RECQL5: variants seen among roughly 807,000 people sequenced by gnomAD.
The protein encoded by RECQL5 is ATP-dependent DNA helicase Q5.
RECQL5 carries 88 observed loss-of-function variants against 103.4 expected under a neutral mutation model. That is an observed-to-expected ratio of 0.85 (90% confidence interval 0.72 to 1.02). The LOEUF is 1.02. Ranked by LOEUF, RECQL5 falls within the 50% of genes least tolerant of loss-of-function variation. RECQL5 has a pLI of 0.00. For synonymous variants in RECQL5, 552 were observed against 507.9 expected (o/e 1.09, Z -1.17); for missense variants, 1,232 against 1,284.3 (o/e 0.96, Z 0.62).
rs188123094 is a variant in RECQL5, at chr17:75,627,790, C to G, written c.2806-98G>C. On this transcript the variant is annotated intron_variant, in intron 18 of 19. Transcript: ENST00000317905. Reference sequence around the variant, plus strand: ...ATCCCAGCACTTTGGGAGGCCGAGGCGGGCGGATCATGAGGTCAGGAGATC... The same window carrying G: ...ATCCCAGCACTTTGGGAGGCCGAGGGGGGCGGATCATGAGGTCAGGAGATC... 488 of 1,074,180 alleles carry G rather than the reference C, an allele frequency of 4.5e-4. 1 individual carries two copies. The African/African-American group carries it at 6.9e-3, about 15-fold the overall frequency. The allele number at this position is 1,074,180 out of a possible 1,614,324, so 66.5% of individuals were successfully genotyped here. A position where few individuals can be genotyped will look rare whatever the true frequency, so the allele number is the denominator to read the frequency against.
At chr17:75,655,454 T>C (rs1195513733) in intron 7 of RECQL5, among the ~76,000 whole-genome samples, 2 of 144,238 alleles carry the variant, frequency 1.4e-5, no homozygotes, top group African/African-American at 2.6e-5. Context: ...AGCTCCGCCT[T>C]CCGGGTTCAT....
intron 8 of RECQL5, among the ~76,000 whole-genome samples, chr17:75,633,176 C>T (rs567795756): frequency 1.4e-4 from 21 of 152,354 alleles, no homozygotes; most frequent in African/African-American, 4.6e-4. Flanking sequence ...GCCCGCACAG[C>T]GGCCGCCTGT....
chr17:75,644,932 AC>A (rs2059472873), intron 8 of RECQL5, among the ~76,000 whole-genome samples: 2 of 152,166 alleles, frequency 1.3e-5, no homozygotes, highest in East Asian at 3.8e-4. Flanking sequence ...CACATCTATT[AC>A]TTTTTTACAT....
At chr17:75,653,280 A>G (rs2059577735) in intron 7 of RECQL5, among the ~76,000 whole-genome samples, 1 of 152,228 alleles carries the variant, frequency 6.6e-6, no homozygotes, top group Non-Finnish European at 1.5e-5. Flanking sequence ...AGGAACCACT[A>G]TTAGGTAAGG....
chr17:75,650,223 C>T, intron 8 of RECQL5: 1 of 990,106 alleles, frequency 1.0e-6, no homozygotes, highest in Non-Finnish European at 1.2e-6. Flanking sequence ...CTGCAGCCGA[C>T]CACTTTTGCT....
Position 75,640,043 on chromosome 17 carries a change from C to T in RECQL5, c.1230-8375G>A. On this transcript the variant is annotated intron_variant, in intron 8 of 19. Transcript: ENST00000317905. This position sits in a 1 kb window ranked among gnomAD's most constrained non-coding sequence, Gnocchi z 4.6. Reference sequence around the variant, plus strand: ...CACTAGGTGGAAGTCACCAGGGGTGCAATGTGTGAGACCTGACAAACTTGT... The same window carrying T: ...CACTAGGTGGAAGTCACCAGGGGTGTAATGTGTGAGACCTGACAAACTTGT... 1 of 1,029,290 alleles carries T rather than the reference C, an allele frequency of 9.7e-7. No individual in the cohort carries two copies. The highest frequency in any genetic ancestry group is 1.4e-6 in the Non-Finnish European group (1 of 737,190). 63.8% of individuals were successfully genotyped at this position (1,029,290 alleles called of 1,614,324 possible).
At chr17:75,650,186 A>C in intron 8 of RECQL5, 1 of 987,590 alleles carries the variant, frequency 1.0e-6, no homozygotes, top group Non-Finnish European at 1.2e-6. Context: ...CTGGTCGCAA[A>C]GGCTGCAGGC....
chr17:75,645,073 A>G (rs1260468185), intron 8 of RECQL5, among the ~76,000 whole-genome samples: 2 of 152,202 alleles, frequency 1.3e-5, no homozygotes, highest in African/African-American at 2.4e-5. Flanking sequence ...GGGCTTGCCA[A>G]CCACAGCTCC....
rs145822091 is a variant in RECQL5 at position 75,645,660 on chromosome 17, G to A, written c.1229+5526C>T. On this transcript the variant is annotated intron_variant, in intron 8 of 19. Coordinates refer to ENST00000317905, the MANE Select transcript of RECQL5 (RefSeq NM_004259.7). ...TTCAGCATGCCAAGGGCCTTAGTCA[G>A]TAAGTTTCACACAAGGAAACAGAAA... is the stretch of plus-strand genomic sequence containing the variant. Among the ~76,000 whole-genome samples, 230 of 152,328 alleles carry A rather than the reference G, an allele frequency of 1.5e-3. 3 individuals carry two copies. The East Asian group carries it at 0.033, about 22-fold the overall frequency.
Position 75,627,379 on chromosome 17 carries a change from A to G in RECQL5, c.*43T>C, listed in dbSNP as rs1472387935. On this transcript the variant is annotated 3_prime_UTR_variant, in exon 20 of 20. Coordinates refer to ENST00000317905, the MANE Select transcript of RECQL5 (RefSeq NM_004259.7). Reference sequence around the variant, plus strand: ...GGTGAGGCCCAGGATGACCCATGCTAGAATCTGGGGGAGGACGCGGGCCCT... The same window carrying G: ...GGTGAGGCCCAGGATGACCCATGCTGGAATCTGGGGGAGGACGCGGGCCCT... 1.4e-6 allele frequency: 2 copies of G among 1,458,196 alleles called. No individual in the cohort carries two copies. Among genetic ancestry groups the G allele is most frequent in the Non-Finnish European group, 1.9e-6 (2 of 1,039,806 alleles). 90.3% of individuals were successfully genotyped at this position (1,458,196 alleles called of 1,614,324 possible).
chr17:75,661,554 G>A, intron 5 of RECQL5, 52 bp downstream of exon 5: 3 of 1,271,864 alleles, frequency 2.4e-6, no homozygotes, highest in Non-Finnish European at 3.4e-6. Flanking sequence ...CAAGAGACCA[G>A]CTAAGAAGCC....
intron 3 of RECQL5, among the ~76,000 whole-genome samples, chr17:75,663,661 G>A (rs1472960521): frequency 2.6e-5 from 4 of 152,108 alleles, no homozygotes; most frequent in African/African-American, 4.8e-5. Context: ...TCACTTAATC[G>A]CCACATGCTC....
Position 75,662,508 on chromosome 17 carries a change from T to A in RECQL5, c.742A>T (p.Lys248Ter). 1 of 1,614,156 alleles carries A rather than the reference T, an allele frequency of 6.2e-7. No individual in the cohort carries two copies. Among genetic ancestry groups the A allele is most frequent in the Non-Finnish European group, 8.5e-7 (1 of 1,180,010 alleles). Residue 248 changes from lysine (K) to a stop codon, truncating the protein, a stop_gained, in exon 4 of 20, where the codon AAG becomes TAG. Coordinates refer to ENST00000317905, the MANE Select transcript of RECQL5 (RefSeq NM_004259.7). LOFTEE classifies it high-confidence loss of function. ...PYGNLKDFCL[K>*]ALGQEADKGL... ...TTATCAGCCTCCTGTCCAAGAGCCT[T>A]AAGGCAGAAGTCCTTCAGGTTCCCA...
chr17:75,645,659 A>T (rs1352756171), intron 8 of RECQL5, among the ~76,000 whole-genome samples: 4 of 152,218 alleles, frequency 2.6e-5, no homozygotes, highest in African/African-American at 4.8e-5. Flanking sequence ...GGCCTTAGTC[A>T]GTAAGTTTCA....
At chr17:75,651,447 C>G (rs777494651) in intron 7 of RECQL5, among the ~76,000 whole-genome samples, 182 bp from the exon 8 acceptor site, 3 of 152,016 alleles carry the variant, frequency 2.0e-5, no homozygotes, top group Non-Finnish European at 4.4e-5. Context: ...CATGGTGAAA[C>G]CCTGTCTCTA....
At chr17:75,634,341 A>G in intron 8 of RECQL5, 1 of 804,554 alleles carries the variant, frequency 1.2e-6, no homozygotes, top group Non-Finnish European at 1.5e-6. Context: ...CCTGCAGGGA[A>G]GTCAGCCAGC....
rs1445110052 is a variant in RECQL5 at position 75,636,701 on chromosome 17, C to T, written c.1230-5033G>A. On this transcript the variant is annotated intron_variant, in intron 8 of 19. Coordinates refer to ENST00000317905, the MANE Select transcript of RECQL5 (RefSeq NM_004259.7). This position sits in a 1 kb window ranked among gnomAD's most constrained non-coding sequence, Gnocchi z 5.4. ...GAACAGGACCCCTCAGCTCCCCCAC[C>T]TGCGCCATGAAGGTTCAGTCGCGGG... 1 of 152,368 alleles carries T rather than the reference C, an allele frequency of 6.6e-6. No individual in the cohort carries two copies. The highest frequency in any genetic ancestry group is 1.5e-5 in the Non-Finnish European group (1 of 68,138). 9.4% of individuals were successfully genotyped at this position (152,368 alleles called of 1,614,324 possible).
At chr17:75,647,600 A>C (rs1288638978) in intron 8 of RECQL5, 1 of 1,544,774 alleles carries the variant, frequency 6.5e-7, no homozygotes, top group East Asian at 2.4e-5. Context: ...GCAGCAGGGG[A>C]GGCGAGCTGA....
At chr17:75,660,397 T>C (rs1243595149) in intron 6 of RECQL5, among the ~76,000 whole-genome samples, 5 of 152,194 alleles carry the variant, frequency 3.3e-5, no homozygotes, top group Admixed American at 2.6e-4. Flanking sequence ...AATGACTTGT[T>C]AGGCAATTTC....
Sources: gnomAD v4.1 joint callset for allele counts (sites outside exome capture counted in the v4.1 genomes callset) on GRCh38, gnomAD v4.1.1 for gene constraint, Gnocchi (gnomAD v3.1) non-coding constraint, MANE v1.5 for transcripts, NCBI Gene and HGNC (gene_info 2026-07-23, HGNC 2026-07-21) for gene names.